Variants in CSMD1 observed in about 807,000 individuals in gnomAD.
CSMD1 encodes the protein CUB and sushi domain-containing protein 1.
A neutral mutation model predicts 417.5 loss-of-function variants in CSMD1; 213 were observed. The ratio of observed to expected loss-of-function variants is 0.51; its 90% CI spans 0.46 to 0.57. The LOEUF is 0.57. CSMD1 is among the 20% of genes least tolerant of loss of function. The probability of loss-of-function intolerance (pLI) is 0.00; values close to 1 mark genes in which losing one functional copy is unlikely to be tolerated. For synonymous variants in CSMD1, 2,862 were observed against 1,736.8 expected, an observed-to-expected ratio of 1.65 and a Z score of -16.11; for missense variants, 6,923 against 4,529.7, an observed-to-expected ratio of 1.53 and a Z score of -15.17.
At chr8:3,477,222 T>A (rs1817484567) in intron 11 of CSMD1, among the ~76,000 whole-genome samples, 1 of 152,186 alleles carries the variant, frequency 6.6e-6, no homozygotes, top group South Asian at 2.1e-4. Context: ...GATGCCTGGA[T>A]TTTATGGGTA....
intron 26 of CSMD1, among the ~76,000 whole-genome samples, chr8:3,267,980 G>A (rs896838546): frequency 6.6e-6 from 1 of 152,136 alleles, no homozygotes; most frequent in Non-Finnish European, 1.5e-5. Context: ...CATGAAGACA[G>A]GGTCATTGCC....
intron 3 of CSMD1, among the ~76,000 whole-genome samples, chr8:4,348,651 G>C (rs1800915910): frequency 7.0e-6 from 1 of 143,264 alleles, no homozygotes; most frequent in Non-Finnish European, 1.5e-5. Context: ...GGGAGGGGGA[G>C]AGAGAGAGAG....
intron 2 of CSMD1, among the ~76,000 whole-genome samples, chr8:4,469,995 G>A (rs567099931): frequency 6.6e-6 from 1 of 151,818 alleles, no homozygotes; most frequent in Non-Finnish European, 1.5e-5. Context: ...AGCCTCCCGA[G>A]TAGCTGGGAT....
intron 3 of CSMD1, among the ~76,000 whole-genome samples, chr8:4,297,091 G>C (rs931925924): frequency 4.2e-3 from 3 of 710 alleles, no homozygotes; most frequent in African/African-American, 5.5e-3. Flanking sequence ...AGCTTGGGGA[G>C]ACTCTAGAGC....
intron 3 of CSMD1, among the ~76,000 whole-genome samples, chr8:4,335,830 G>A (rs1263454234): frequency 6.6e-6 from 1 of 152,036 alleles, no homozygotes; most frequent in South Asian, 2.1e-4. Context: ...ACTCAGCCCA[G>A]GGGTTGATTG....
At chr8:4,836,555 G>A (rs1399845239) in intron 1 of CSMD1, among the ~76,000 whole-genome samples, 2 of 152,158 alleles carry the variant, frequency 1.3e-5, no homozygotes, top group Non-Finnish European at 2.9e-5. Flanking sequence ...ACACAGAGAG[G>A]TTTGAACTTG....
At chr8:4,185,023 C>T (rs570277606) in intron 3 of CSMD1, among the ~76,000 whole-genome samples, 28 of 151,128 alleles carry the variant, frequency 1.9e-4, no homozygotes, top group African/African-American at 6.6e-4. Flanking sequence ...CCTTTAATCC[C>T]AGCTACTTGG....
At chr8:4,360,909 G>A (rs1801720265) in intron 3 of CSMD1, among the ~76,000 whole-genome samples, 1 of 152,140 alleles carries the variant, frequency 6.6e-6, no homozygotes, top group African/African-American at 2.4e-5. Context: ...GTAGAATTAG[G>A]CTTCTGATAG....
chr8:4,627,865 G>A (rs926330400), intron 2 of CSMD1, among the ~76,000 whole-genome samples: 7 of 152,034 alleles, frequency 4.6e-5, no homozygotes, highest in Non-Finnish European at 8.8e-5. Context: ...TTCACCCTTG[G>A]CATTTCTGAT....
chr8:3,296,564 C>A (rs929386924), intron 25 of CSMD1, among the ~76,000 whole-genome samples: 4 of 152,128 alleles, frequency 2.6e-5, no homozygotes, highest in African/African-American at 9.7e-5. Flanking sequence ...CTGTTGACAA[C>A]ATGCCATGGA....
At chr8:4,942,230 T>C (rs902597962) in intron 1 of CSMD1, among the ~76,000 whole-genome samples, 13 of 152,140 alleles carry the variant, frequency 8.5e-5, no homozygotes, top group African/African-American at 2.9e-4. Context: ...CAGGCTTCAC[T>C]CTTATTTTTT....
At chr8:4,037,810 CT>C (rs1191097070) in intron 3 of CSMD1, among the ~76,000 whole-genome samples, 2 of 151,924 alleles carry the variant, frequency 1.3e-5, no homozygotes, top group Non-Finnish European at 2.9e-5. Context: ...GGAATTGAAT[CT>C]TTTTATGTTT....
intron 5 of CSMD1, among the ~76,000 whole-genome samples, chr8:3,983,718 G>C (rs1042922657): frequency 6.6e-6 from 1 of 152,236 alleles, no homozygotes; most frequent in Non-Finnish European, 1.5e-5. Context: ...CCATTGCTAA[G>C]TATGGTTAGA....
intron 23 of CSMD1, among the ~76,000 whole-genome samples, chr8:3,325,654 T>C (rs1014870209): frequency 6.6e-6 from 1 of 152,112 alleles, no homozygotes; most frequent in African/African-American, 2.4e-5. Flanking sequence ...TGAAACCCCG[T>C]CTCTACTAAA....
At chr8:4,348,678 G>C (rs1172748321) in intron 3 of CSMD1, among the ~76,000 whole-genome samples, 2 of 151,390 alleles carry the variant, frequency 1.3e-5, no homozygotes, top group African/African-American at 2.4e-5. Context: ...AGACTCTTTT[G>C]CGTACATATC....
chr8:4,759,442 A>G, intron 1 of CSMD1, among the ~76,000 whole-genome samples: 1 of 152,180 alleles, frequency 6.6e-6, no homozygotes, highest in Non-Finnish European at 1.5e-5. Context: ...ACATGTGCAG[A>G]ATGTGCAGAT....
intron 1 of CSMD1, among the ~76,000 whole-genome samples, chr8:4,897,659 A>G (rs1251479436): frequency 2.0e-5 from 3 of 152,170 alleles, no homozygotes; most frequent in African/African-American, 7.2e-5. Context: ...TATTATTTAT[A>G]CAGTATCTTA....
At chr8:3,035,246 C>A (rs530468270) in intron 50 of CSMD1, among the ~76,000 whole-genome samples, 1 of 152,278 alleles carries the variant, frequency 6.6e-6, no homozygotes, top group Non-Finnish European at 1.5e-5. Flanking sequence ...CGCGGCTGCT[C>A]CCAGAGACGC....
intron 1 of CSMD1, among the ~76,000 whole-genome samples, chr8:4,679,317 C>T (rs1401967885): frequency 1.3e-5 from 2 of 152,164 alleles, no homozygotes; most frequent in Non-Finnish European, 2.9e-5. Context: ...GCGAAGTTGA[C>T]ACCTTCTGCC....
Sources: gnomAD v4.1 joint callset for allele counts (sites outside exome capture counted in the v4.1 genomes callset) on GRCh38, gnomAD v4.1.1 for gene constraint, MANE v1.5 for transcripts, NCBI Gene and HGNC (gene_info 2026-07-23, HGNC 2026-07-21) for gene names.